The following MAPKAPK5 variants were observed in gnomAD, a reference collection of about 807,000 sequenced individuals.
The protein encoded by MAPKAPK5 is MAPK activated protein kinase 5, also known as MAP kinase-activated protein kinase 5.
In MAPKAPK5, 30 loss-of-function variants were observed where a neutral mutation model predicts 65.1. The ratio of observed to expected loss-of-function variants is 0.46; its 90% CI spans 0.34 to 0.63. MAPKAPK5 has a LOEUF of 0.63. Ranked by LOEUF, MAPKAPK5 falls within the 20% of genes least tolerant of loss-of-function variation. The probability of loss-of-function intolerance (pLI) is 0.01; values close to 1 mark genes in which losing one functional copy is unlikely to be tolerated. For synonymous variants in MAPKAPK5, 179 were observed against 204.6 expected, an observed-to-expected ratio of 0.87 and a Z score of 1.07; for missense variants, 433 against 581.4, an observed-to-expected ratio of 0.74 and a Z score of 2.63.
chr12:111,865,259 AT>A lies in MAPKAPK5; in HGVS notation c.50del (p.Leu17Ter). 1 of 1,577,620 alleles carries A rather than the reference AT, an allele frequency of 6.3e-7. No individual in the cohort carries two copies. Among genetic ancestry groups the A allele is most frequent in the Non-Finnish European group, 8.6e-7 (1 of 1,159,818 alleles). ...TTTTTTATATTAATAGGAAACTTCC[AT>A]TTTAGAAGAATACAGTATCAATTGG... ...DMDKAIKETS[I>X]LEEYSINWTQ... is the part of the protein sequence containing the mutation. On this transcript the variant is annotated frameshift_variant, in exon 2 of 14. Coordinates refer to ENST00000550735, the MANE Select transcript of MAPKAPK5 (RefSeq NM_003668.4). LOFTEE classifies it high-confidence loss of function.
chr12:111,845,569 T>C (rs1400000313), intron 1 of MAPKAPK5, among the ~76,000 whole-genome samples: 1 of 152,174 alleles, frequency 6.6e-6, no homozygotes, highest in Admixed American at 6.6e-5. Context: ...TAGGGTTTTT[T>C]GTTGGTTTGT....
chr12:111,878,505 C>T (rs949710218), intron 7 of MAPKAPK5, among the ~76,000 whole-genome samples: 7 of 151,958 alleles, frequency 4.6e-5, no homozygotes, highest in Non-Finnish European at 8.8e-5. Flanking sequence ...CTGCAACCTC[C>T]GCCTCCAGGG....
chr12:111,845,655 C>T (rs1450014951), intron 1 of MAPKAPK5, among the ~76,000 whole-genome samples: 7 of 152,132 alleles, frequency 4.6e-5, no homozygotes, highest in African/African-American at 1.7e-4. Context: ...GGCACGGTGG[C>T]TCACACCTGT....
intron 10 of MAPKAPK5, among the ~76,000 whole-genome samples, chr12:111,886,326 A>G (rs1284687572): frequency 3.3e-5 from 5 of 152,188 alleles, no homozygotes; most frequent in African/African-American, 9.6e-5. Flanking sequence ...CCCTTTCCCC[A>G]AGGGGTTTAA....
At position 111,900,667 on chromosome 12, in the gene MAPKAPK5, C is replaced by T. The variant is rs1318252474; in HGVS notation, c.*7606C>T. On this transcript the variant is annotated 3_prime_UTR_variant, in exon 14 of 14. Transcript: ENST00000550735. Reference sequence around the variant, plus strand: ...TGTGATGAAAACTGTATACTGAAGGCGAAAGCAGAGTGCAGTGATGGTCCA... The same window carrying T: ...TGTGATGAAAACTGTATACTGAAGGTGAAAGCAGAGTGCAGTGATGGTCCA... 6 of 456,050 alleles carry T rather than the reference C, an allele frequency of 1.3e-5. No individual in the cohort carries two copies. The highest frequency in any genetic ancestry group is 6.5e-4 in the Middle Eastern group (2 of 3,070). The allele number at this position is 456,050 out of a possible 1,614,324, so 28.3% of individuals were successfully genotyped here. A position where few individuals can be genotyped will look rare whatever the true frequency, so the allele number is the denominator to read the frequency against.
chr12:111,854,948 G>GT (rs58635554), intron 1 of MAPKAPK5, among the ~76,000 whole-genome samples: 29,700 of 151,944 alleles, frequency 0.2, 3,114 homozygotes, highest in Middle Eastern at 0.27. Flanking sequence ...TATTAATTCA[G>GT]TTTTTTTTAC....
intron 7 of MAPKAPK5, among the ~76,000 whole-genome samples, chr12:111,873,390 G>T (rs754680870): frequency 1.2e-4 from 19 of 152,052 alleles, no homozygotes; most frequent in Non-Finnish European, 2.2e-4. Context: ...GCCCAGCCTG[G>T]AGTGGTGCAA....
rs945997212 is a variant in MAPKAPK5, at chr12:111,900,010, G to A, written c.*6949G>A. 2 of 455,972 alleles carry A rather than the reference G, an allele frequency of 4.4e-6. No individual in the cohort carries two copies. The highest frequency in any genetic ancestry group is 8.8e-6 in the Non-Finnish European group (2 of 226,810). 28.2% of individuals were successfully genotyped at this position (455,972 alleles called of 1,614,324 possible). A position where few individuals can be genotyped will look rare whatever the true frequency, so the allele number is the denominator to read the frequency against. On this transcript the variant is annotated 3_prime_UTR_variant, in exon 14 of 14. Transcript: ENST00000550735. ...AACCAGCGGTTCCAGATGTGGGGCA[G>A]TAACGTCAATGAGACGGTCCAGACA...
Position 111,888,420 on chromosome 12 carries a change from T to C in MAPKAPK5, c.970-68T>C, listed in dbSNP as rs954799403. 3.2e-6 allele frequency: 5 copies of C among 1,576,968 alleles called. No individual in the cohort carries two copies. In the African/African-American group the frequency reaches 6.8e-5, roughly 22 times the overall value. ...AGTACTTTGAGCTTTTCCTTTCCAC[T>C]TTCTTAGACTGGCTTTTTAGGTGCC... On this transcript the variant is annotated intron_variant, in intron 10 of 13. Transcript: ENST00000550735.
Position 111,900,813 on chromosome 12 carries a change from C to T in MAPKAPK5, c.*7752C>T. 2.2e-6 allele frequency: 1 copy of T among 456,068 alleles called. No homozygotes were observed. The highest frequency in any genetic ancestry group is 4.4e-6 in the Non-Finnish European group (1 of 226,796). 28.3% of individuals were successfully genotyped at this position (456,068 alleles called of 1,614,324 possible). A position where few individuals can be genotyped will look rare whatever the true frequency, so the allele number is the denominator to read the frequency against. On this transcript the variant is annotated 3_prime_UTR_variant, in exon 14 of 14. Coordinates refer to ENST00000550735, the MANE Select transcript of MAPKAPK5 (RefSeq NM_003668.4). ...ATTATGCCCCAACAACAGGCATAAG[C>T]AAGATGGCTCAAAATGTCATACAAT...
chr12:111,846,144 AGTACTGATTAGGAT>A (rs1200914923), intron 1 of MAPKAPK5, among the ~76,000 whole-genome samples: 1 of 152,216 alleles, frequency 6.6e-6, no homozygotes, highest in Non-Finnish European at 1.5e-5. Context: ...CTTGAAAATC[AGTACTGATTAGGAT>A]GTACTGCTTT....
chr12:111,876,931 A>G (rs1295363067), intron 7 of MAPKAPK5, among the ~76,000 whole-genome samples: 1 of 152,156 alleles, frequency 6.6e-6, no homozygotes, highest in Non-Finnish European at 1.5e-5. Flanking sequence ...TTTTTTCCAC[A>G]TCATTGTTAA....
In MAPKAPK5 at chr12:111,888,985, A is replaced by G; in HGVS notation, c.1201A>G (p.Ile401Val). The stretch of plus-strand genomic sequence containing the variant: ...ACTCCGAGATGTGATTGCTCAGTGT[A>G]TTCTCCCCCAGGCTGGTAAAGGTCA... ...EKLRDVIAQC[I>V]LPQAGENEDE... The change falls in exon 12 of 14, where the codon ATT (isoleucine) becomes GTT (valine). Residue 401 changes from isoleucine (I) to valine (V), a missense_variant. Ile to Val is a conservative substitution (Grantham distance 29). Around this residue, in one of 3 missense-constraint regions of MAPKAPK5, gnomAD observed 169 missense variants for 215.6 expected, o/e 0.78. Coordinates refer to ENST00000550735, the MANE Select transcript of MAPKAPK5 (RefSeq NM_003668.4). The G allele has an allele frequency of 1.3e-6, 2 of 1,587,374 alleles. No homozygotes were observed. The highest frequency in any genetic ancestry group is 1.7e-6 in the Non-Finnish European group (2 of 1,166,564).
rs1365626256 is a variant in MAPKAPK5 at position 111,883,500 on chromosome 12, G to T, written c.661-81G>T. 8.3e-7 allele frequency: 1 copy of T among 1,201,694 alleles called. No individual in the cohort carries two copies. Among genetic ancestry groups the T allele is most frequent in the Non-Finnish European group, 1.2e-6 (1 of 834,372 alleles). The allele number at this position is 1,201,694 out of a possible 1,614,324, so 74.4% of individuals were successfully genotyped here. ...TTATATCAGCCTATATATTGCAGGGGCTATTCCTGAGCCTGTCATGGGGTG... is the reference window on the plus strand; with the variant it reads ...TTATATCAGCCTATATATTGCAGGGTCTATTCCTGAGCCTGTCATGGGGTG... On this transcript the variant is annotated intron_variant, in intron 8 of 13. Coordinates refer to ENST00000550735, the MANE Select transcript of MAPKAPK5 (RefSeq NM_003668.4). The surrounding 1 kb of genome is among the most constrained non-coding windows in gnomAD (Gnocchi z 4.8).
At chr12:111,882,095 GGCAGGCCTGGC>G (rs1801822819) in intron 8 of MAPKAPK5, among the ~76,000 whole-genome samples, 1 of 152,104 alleles carries the variant, frequency 6.6e-6, no homozygotes, top group Non-Finnish European at 1.5e-5. Flanking sequence ...TGAAAACATG[GGCAGGCCTGGC>G]GCAGTGGCTC....
intron 1 of MAPKAPK5, among the ~76,000 whole-genome samples, chr12:111,864,760 A>G (rs2069549363): frequency 6.6e-6 from 1 of 152,232 alleles, no homozygotes; most frequent in African/African-American, 2.4e-5. Flanking sequence ...TTGATTAGTT[A>G]CTATTTTTTT....
At position 111,898,861 on chromosome 12, in the gene MAPKAPK5, T is replaced by C. The variant is rs1593201941; in HGVS notation, c.*5800T>C. On this transcript the variant is annotated 3_prime_UTR_variant, in exon 14 of 14. Coordinates refer to ENST00000550735, the MANE Select transcript of MAPKAPK5 (RefSeq NM_003668.4). ...CCCTTCCCCCCACCCCCTGACAGAATGTTGTGTTTCAAAGAATGAGCAGAT... is the reference window on the plus strand; with the variant it reads ...CCCTTCCCCCCACCCCCTGACAGAACGTTGTGTTTCAAAGAATGAGCAGAT... The C allele has an allele frequency of 8.9e-6, 1 of 112,738 alleles. No individual in the cohort carries two copies. Among genetic ancestry groups the C allele is most frequent in the Admixed American group, 1.3e-4 (1 of 7,584 alleles). 7.0% of individuals were successfully genotyped at this position (112,738 alleles called of 1,614,324 possible).
intron 1 of MAPKAPK5, among the ~76,000 whole-genome samples, chr12:111,856,990 A>G (rs2069262327): frequency 6.6e-6 from 1 of 152,154 alleles, no homozygotes; most frequent in South Asian, 2.1e-4. Flanking sequence ...TATGAGGATT[A>G]TAATATGCAT....
At chr12:111,868,515 AT>A (rs2069679904) in intron 4 of MAPKAPK5, among the ~76,000 whole-genome samples, 1 of 152,210 alleles carries the variant, frequency 6.6e-6, no homozygotes, top group East Asian at 1.9e-4. Context: ...TGGTGAAAGC[AT>A]TTGGATGGAA....
Sources: allele counts gnomAD v4.1 joint callset (sites outside exome capture counted in the v4.1 genomes callset), GRCh38; gene constraint gnomAD v4.1.1; regional missense constraint gnomAD v4.1.1; non-coding constraint Gnocchi (gnomAD v3.1); transcripts MANE v1.5; gene names NCBI Gene and HGNC (gene_info 2026-07-23, HGNC 2026-07-21).